The following FAF1 variants were observed in gnomAD, a reference collection of about 807,000 sequenced individuals.
FAF1 encodes the protein Fas associated factor 1.
A neutral mutation model predicts 92.5 loss-of-function variants in FAF1; 25 were observed. The observed-to-expected ratio is 0.27, with a 90% confidence interval of 0.20 to 0.38. The LOEUF (loss-of-function observed/expected upper bound fraction) is 0.38, where lower values mean the gene tolerates loss of function less well. Ranked by LOEUF, FAF1 falls within the 10% of genes least tolerant of loss-of-function variation. The probability of loss-of-function intolerance (pLI) is 1.00; values close to 1 mark genes in which losing one functional copy is unlikely to be tolerated. For synonymous variants in FAF1, 234 were observed against 273.2 expected (o/e 0.86, Z 1.42); for missense variants, 636 against 793.3 (o/e 0.80, Z 2.38).
At chr1:50,934,439 T>C (rs1291362942) in intron 1 of FAF1, among the ~76,000 whole-genome samples, 1 of 152,180 alleles carries the variant, frequency 6.6e-6, no homozygotes, top group African/African-American at 2.4e-5. Context: ...TAACACTGTC[T>C]TGGCCAGGTA....
chr1:50,885,592 T>A (rs1321483125), intron 1 of FAF1, among the ~76,000 whole-genome samples: 1 of 152,110 alleles, frequency 6.6e-6, no homozygotes, highest in Non-Finnish European at 1.5e-5. Context: ...TGAAGTGTGT[T>A]TCTTGTAGGC....
At chr1:50,909,205 C>T (rs541375031) in intron 1 of FAF1, among the ~76,000 whole-genome samples, 1 of 152,308 alleles carries the variant, frequency 6.6e-6, no homozygotes, top group South Asian at 2.1e-4. Context: ...TATTGGACCC[C>T]ACTCTCTTCT....
At position 50,523,514 on chromosome 1, in the gene FAF1, A is replaced by G. The variant is rs535424472; in HGVS notation, c.1494+11855T>C. 2.0e-5 allele frequency among the ~76,000 whole-genome samples: 3 copies of G among 152,314 alleles called. No individual in the cohort carries two copies. In the South Asian group the frequency reaches 6.2e-4, roughly 32 times the overall value. ...TTAGATTTGTATTTCCCCAAAGACTACTGACATTGAGCATCTTTCCATGAG... is the reference window on the plus strand; with the variant it reads ...TTAGATTTGTATTTCCCCAAAGACTGCTGACATTGAGCATCTTTCCATGAG... On this transcript the variant is annotated intron_variant, in intron 15 of 18. Transcript: ENST00000396153.
At chr1:50,615,859 T>C (rs1304935395) in intron 8 of FAF1, among the ~76,000 whole-genome samples, 1 of 152,180 alleles carries the variant, frequency 6.6e-6, no homozygotes, top group Non-Finnish European at 1.5e-5. Flanking sequence ...TTAGTTTAAT[T>C]AGGTCCTACT....
intron 15 of FAF1, among the ~76,000 whole-genome samples, chr1:50,519,718 G>A (rs1339080915): frequency 6.6e-6 from 1 of 152,134 alleles, no homozygotes; most frequent in Non-Finnish European, 1.5e-5. Context: ...ACTTAATTAT[G>A]ATGTGTGTTA....
chr1:50,500,895 A>C (rs1189901425), intron 15 of FAF1, among the ~76,000 whole-genome samples: 1 of 152,192 alleles, frequency 6.6e-6, no homozygotes, highest in African/African-American at 2.4e-5. Flanking sequence ...GAGTTATAAA[A>C]CATTTCTTGA....
At chr1:50,697,960 T>G (rs535125318) in intron 7 of FAF1, among the ~76,000 whole-genome samples, 2 of 152,128 alleles carry the variant, frequency 1.3e-5, no homozygotes, top group Non-Finnish European at 2.9e-5. Context: ...CAAGACACAT[T>G]AGACAAAAGA....
intron 13 of FAF1, among the ~76,000 whole-genome samples, chr1:50,559,592 A>G (rs930770606): frequency 6.6e-6 from 1 of 152,242 alleles, no homozygotes; most frequent in Non-Finnish European, 1.5e-5. Flanking sequence ...TTGCAGGGAC[A>G]ATTGCTGCTG....
At chr1:50,662,585 A>C (rs1012075317) in intron 7 of FAF1, among the ~76,000 whole-genome samples, 15 of 152,080 alleles carry the variant, frequency 9.9e-5, no homozygotes, top group African/African-American at 3.6e-4. Context: ...TCCTATACTA[A>C]AAGTCTGATG....
intron 7 of FAF1, among the ~76,000 whole-genome samples, chr1:50,677,300 TG>T (rs1488405316): frequency 1.3e-5 from 2 of 152,168 alleles, no homozygotes; most frequent in African/African-American, 4.8e-5. Context: ...TCTAGCTAGG[TG>T]AAGAAGTAGG....
intron 1 of FAF1, among the ~76,000 whole-genome samples, chr1:50,867,611 A>G (rs1018296453): frequency 6.6e-6 from 1 of 152,210 alleles, no homozygotes; most frequent in African/African-American, 2.4e-5. Context: ...AGGCAAATGC[A>G]TATCAAAACC....
intron 7 of FAF1, among the ~76,000 whole-genome samples, chr1:50,670,421 G>A (rs1387010924): frequency 6.6e-6 from 1 of 151,962 alleles, no homozygotes; most frequent in Non-Finnish European, 1.5e-5. Context: ...CTCACAGCTA[G>A]TAGTGACCCT....
intron 7 of FAF1, among the ~76,000 whole-genome samples, chr1:50,669,743 T>C (rs1029425739): frequency 6.6e-6 from 1 of 152,244 alleles, no homozygotes; most frequent in Non-Finnish European, 1.5e-5. Flanking sequence ...ATAAAAATGT[T>C]CTTTGTGCTG....
intron 2 of FAF1, among the ~76,000 whole-genome samples, chr1:50,814,838 G>A (rs565916648): frequency 5.3e-5 from 8 of 152,094 alleles, no homozygotes; most frequent in Non-Finnish European, 1.2e-4. Flanking sequence ...CCATTAGGAT[G>A]GCTACTATCA....
intron 18 of FAF1, chr1:50,451,784 AGAACTTACCC>A: frequency 3.1e-6 from 3 of 961,502 alleles, no homozygotes; most frequent in Non-Finnish European, 3.7e-6. Context: ...GTGAGTGGAA[AGAACTTACCC>A]AAGTTTATTC....
intron 9 of FAF1, among the ~76,000 whole-genome samples, chr1:50,587,833 T>G (rs186230652): frequency 6.6e-6 from 1 of 152,156 alleles, no homozygotes; most frequent in Non-Finnish European, 1.5e-5. Flanking sequence ...TCATAGGGGG[T>G]AGGAATCAGG....
intron 9 of FAF1, 47 bp from the exon 10 acceptor site, chr1:50,584,858 C>A: frequency 6.4e-7 from 1 of 1,570,572 alleles, no homozygotes; most frequent in South Asian, 1.1e-5. Flanking sequence ...TTTGGCCTAT[C>A]AAATTCTAAG....
chr1:50,642,833 T>C (rs1181125044), intron 8 of FAF1, among the ~76,000 whole-genome samples: 3 of 152,090 alleles, frequency 2.0e-5, no homozygotes, highest in Admixed American at 2.0e-4. Context: ...CCTTTTTTTC[T>C]GTTTTCTTTT....
intron 4 of FAF1, chr1:50,780,522 G>A (rs1318751197): frequency 3.6e-5 from 7 of 191,924 alleles, no homozygotes; most frequent in South Asian, 2.2e-4. Context: ...CCCTGGGTAC[G>A]GAAACCAATG....
Sources: allele counts gnomAD v4.1 joint callset (sites outside exome capture counted in the v4.1 genomes callset), GRCh38; gene constraint gnomAD v4.1.1; transcripts MANE v1.5; gene names NCBI Gene and HGNC (gene_info 2026-07-23, HGNC 2026-07-21).